Variants in COQ4 observed in about 807,000 individuals in gnomAD.
The protein encoded by COQ4 is ubiquinone biosynthesis protein COQ4 homolog, mitochondrial.
In COQ4, 36 loss-of-function variants were observed where a neutral mutation model predicts 30.2. That is an observed-to-expected ratio of 1.19 (90% CI 0.91 to 1.57). The LOEUF is 1.57. COQ4 is among the 40% of genes most tolerant of loss of function. The probability of loss-of-function intolerance (pLI) is 0.00; values close to 1 mark genes in which losing one functional copy is unlikely to be tolerated. For synonymous variants in COQ4, 197 were observed against 161.0 expected (o/e 1.22, Z -1.69); for missense variants, 369 against 371.9 (o/e 0.99, Z 0.07).
intron 4 of COQ4, among the ~76,000 whole-genome samples, chr9:128,329,662 G>A (rs1344089549): frequency 2.6e-5 from 4 of 152,182 alleles, no homozygotes; most frequent in Non-Finnish European, 4.4e-5. Flanking sequence ...GAGCCACCAC[G>A]CCCGGCCCTT....
intron 4 of COQ4, 157 bp downstream of exon 4, chr9:128,326,038 G>A (rs758720722): frequency 1.2e-5 from 8 of 676,622 alleles, no homozygotes; most frequent in African/African-American, 9.0e-5. Flanking sequence ...TATGGGATAG[G>A]CAAATGGGTG....
At position 128,333,687 on chromosome 9, in the gene COQ4, T is replaced by G; in HGVS notation, c.*42T>G. The G allele has an allele frequency of 6.8e-7, 1 of 1,476,346 alleles. No individual in the cohort carries two copies. The highest frequency in any genetic ancestry group is 1.4e-5 in the African/African-American group (1 of 69,994). 91.5% of individuals were successfully genotyped at this position (1,476,346 alleles called of 1,614,324 possible). A position where few individuals can be genotyped will look rare whatever the true frequency, so the allele number is the denominator to read the frequency against. ...GGCCTGGCCTACCTCCCCCATCCCC[T>G]GCTTCCCTTGGAGGCAGAGGGCTCC... is the stretch of plus-strand genomic sequence containing the variant. On this transcript the variant is annotated 3_prime_UTR_variant, in exon 7 of 7. Transcript: ENST00000300452.
rs758522459 is a variant in COQ4, at chr9:128,323,147, G to A, written c.202G>A (p.Asp68Asn). Reference sequence around the variant, plus strand: ...GGCGCTCTATAACCCCTACCGCCACGGTAAGGCCGCCCGCGCCTCGCCCCC... The same window carrying A: ...GGCGCTCTATAACCCCTACCGCCACAGTAAGGCCGCCCGCGCCTCGCCCCC... ...AMALYNPYRH[D>N]MVAVLGETTG... is the part of the protein sequence containing the mutation. Residue 68 changes from aspartate (D) to asparagine (N), a missense_variant and splice_region_variant, in exon 2 of 7, where the codon GAC becomes AAC. Transcript: ENST00000300452. The A allele has an allele frequency of 6.3e-7, 1 of 1,585,806 alleles. No individual in the cohort carries two copies. Among genetic ancestry groups the A allele is most frequent in the Admixed American group, 1.8e-5 (1 of 54,436 alleles).
At chr9:128,332,336 G>A (rs1242684245) in intron 5 of COQ4, 54 bp downstream of exon 5, 2 of 1,592,580 alleles carry the variant, frequency 1.3e-6, no homozygotes, top group East Asian at 2.3e-5. Context: ...TCAGGGCCAG[G>A]GCAGGGCTTG....
intron 2 of COQ4, 114 bp downstream of exon 2, chr9:128,323,261 C>T (rs1050492797): frequency 3.9e-6 from 4 of 1,038,616 alleles, no homozygotes; most frequent in African/African-American, 3.3e-5. Context: ...CGTAACCACT[C>T]GGAACGTTTA....
chr9:128,332,224 G>C lies in COQ4; in HGVS notation c.474G>C (p.Arg158=). 6.2e-7 allele frequency: 1 copy of C among 1,612,942 alleles called. No individual in the cohort carries two copies. ...DDEELAYVIQ[R]YREVHDMLHT... ...AGGAGCTAGCGTATGTGATTCAGCGGTACCGGGAGGTGCACGACATGCTTC... is the reference window on the plus strand; with the variant it reads ...AGGAGCTAGCGTATGTGATTCAGCGCTACCGGGAGGTGCACGACATGCTTC... Residue 158 remains arginine, a synonymous_variant, in exon 5 of 7, where the codon CGG becomes CGC. Transcript: ENST00000300452.
intron 5 of COQ4, 47 bp downstream of exon 5, chr9:128,332,329 G>T: frequency 5.0e-6 from 8 of 1,603,006 alleles, no homozygotes; most frequent in Non-Finnish European, 6.8e-6. Context: ...GGTGGCTTCA[G>T]GGCCAGGGCA....
At chr9:128,328,060 G>T (rs1405533587) in intron 4 of COQ4, among the ~76,000 whole-genome samples, 1 of 152,240 alleles carries the variant, frequency 6.6e-6, no homozygotes, top group Admixed American at 6.5e-5. Context: ...TCTGAGTAGA[G>T]GGAATGGCAA....
At chr9:128,324,048 A>G (rs1174697210) in intron 2 of COQ4, among the ~76,000 whole-genome samples, 2 of 152,002 alleles carry the variant, frequency 1.3e-5, no homozygotes, top group Admixed American at 6.6e-5. Context: ...CAGTGGCGCA[A>G]TCTCAGCTCT....
Position 128,322,936 on chromosome 9 carries a change from G to A in COQ4, c.70+8G>A. 1 of 1,602,290 alleles carries A rather than the reference G, an allele frequency of 6.2e-7. No homozygotes were observed. The highest frequency in any genetic ancestry group is 8.5e-7 in the Non-Finnish European group (1 of 1,178,232). On this transcript the variant is annotated splice_region_variant and intron_variant, in intron 1 of 6. Transcript: ENST00000300452. ...TACAGCGGCCTGCGGCAGGCAAGTG[G>A]CGCCGGGTTCTGGGCGCAGGCGGGA...
intron 5 of COQ4, chr9:128,332,634 A>T: frequency 1.7e-6 from 1 of 599,138 alleles, no homozygotes; most frequent in Non-Finnish European, 3.0e-6. Flanking sequence ...CCCTGACCCC[A>T]GGCTTCCTTT....
chr9:128,327,736 C>G (rs1027070647), intron 4 of COQ4, among the ~76,000 whole-genome samples: 2 of 151,640 alleles, frequency 1.3e-5, no homozygotes, highest in Admixed American at 1.3e-4. Flanking sequence ...CCCAGGAGGT[C>G]GAGGGCGGTG....
rs749504112 is a variant in COQ4, at chr9:128,323,064, ACCACCTCC to A, written c.130_137del (p.Thr44AlafsTer17). ...GACGGCGCCGGCCCGCTATACTCGC[ACCACCTCC>A]CCACCTCCCCGCTGCAGAAAGGGCT... On this transcript the variant is annotated frameshift_variant, in exon 2 of 7. Transcript: ENST00000300452. LOFTEE classifies it high-confidence loss of function. 4 of 1,611,978 alleles carry A rather than the reference ACCACCTCC, an allele frequency of 2.5e-6. No individual in the cohort carries two copies. Among genetic ancestry groups the A allele is most frequent in the South Asian group, 1.1e-5 (1 of 91,062 alleles).
In COQ4 at chr9:128,322,851, C is replaced by G. The variant is rs1383667630; in HGVS notation, c.-8C>G. The G allele has an allele frequency of 6.5e-7, 1 of 1,548,902 alleles. No homozygotes were observed. Among genetic ancestry groups the G allele is most frequent in the Middle Eastern group, 1.7e-4 (1 of 5,964 alleles). On this transcript the variant is annotated 5_prime_UTR_variant, in exon 1 of 7. Transcript: ENST00000300452. Reference sequence around the variant, plus strand: ...GTACCCGCCCATCCTCCGCGGACGCCCGCTGCCATGGCGACTCTGCTGCGC... The same window carrying G: ...GTACCCGCCCATCCTCCGCGGACGCGCGCTGCCATGGCGACTCTGCTGCGC...
chr9:128,333,421 G>C, intron 6 of COQ4, 53 bp from the exon 7 acceptor site: 5 of 1,431,502 alleles, frequency 3.5e-6, no homozygotes, highest in Non-Finnish European at 4.6e-6. Context: ...CCGAGCAGTC[G>C]AGTGCCTGGC....
chr9:128,326,873 C>A (rs537541380), intron 4 of COQ4, among the ~76,000 whole-genome samples: 2 of 152,146 alleles, frequency 1.3e-5, no homozygotes, highest in South Asian at 2.1e-4. Context: ...CTCAACCCCC[C>A]ACGTAGCTGG....
chr9:128,331,539 T>C (rs1190449524), intron 4 of COQ4: 1 of 152,192 alleles, frequency 6.6e-6, no homozygotes, highest in East Asian at 1.9e-4. Flanking sequence ...CAAGTTATGC[T>C]AGGATCAGGG....
At chr9:128,323,355 C>T (rs1459603282) in intron 2 of COQ4, 13 of 577,784 alleles carry the variant, frequency 2.2e-5, no homozygotes, top group Admixed American at 2.1e-4. Flanking sequence ...GGCGTGAAAC[C>T]GAAAGTCTGT....
At chr9:128,327,612 C>A (rs1463002401) in intron 4 of COQ4, among the ~76,000 whole-genome samples, 1 of 152,072 alleles carries the variant, frequency 6.6e-6, no homozygotes, top group Non-Finnish European at 1.5e-5. Context: ...CCAGCCTGGA[C>A]AACATGGTGA....
Sources: gnomAD v4.1 joint callset for allele counts (sites outside exome capture counted in the v4.1 genomes callset) on GRCh38, gnomAD v4.1.1 for gene constraint, MANE v1.5 for transcripts, NCBI Gene and HGNC (gene_info 2026-07-23, HGNC 2026-07-21) for gene names.